Variants in ZFP62 observed in about 807,000 individuals in gnomAD.
ZFP62 encodes the protein ZFP62 zinc finger protein.
ZFP62 carries 44 observed loss-of-function variants against 56.4 expected under a neutral mutation model. The observed-to-expected ratio is 0.78, with a 90% CI of 0.61 to 1.00. The LOEUF is 1.00. ZFP62 is among the 50% of genes least tolerant of loss of function. The probability of loss-of-function intolerance (pLI) is 0.00; values close to 1 mark genes in which losing one functional copy is unlikely to be tolerated. For synonymous variants in ZFP62, 421 were observed against 388.9 expected (o/e 1.08, Z -0.97); for missense variants, 1,030 against 1,085.7 (o/e 0.95, Z 0.72).
chr5:180,837,773 C>T, the ZFP62 span, among the ~76,000 whole-genome samples: 32 of 152,278 alleles, frequency 2.1e-4, no homozygotes, highest in Non-Finnish European at 4.1e-4. Context: ...AAACCAGCAT[C>T]CAGGCCCTCA....
chr5:180,849,586 T>G lies in ZFP62; in HGVS notation c.1909A>C (p.Arg637=). The G allele has an allele frequency of 7.1e-6, 11 of 1,552,102 alleles. No homozygotes were observed. The highest frequency in any genetic ancestry group is 9.6e-6 in the Non-Finnish European group (11 of 1,147,110). ...TAGGGTTTCTCTCTAGTGTGGACCC[T>G]TCTGTGCTGAGAAAGGAGCGATGTG... The part of the protein sequence containing the change: ...NYTSLLSQHR[R]VHTREKPYEC... Residue 637 remains arginine (R), a synonymous_variant, in exon 2 of 2, where the codon AGG becomes CGG. Transcript: ENST00000502412.
At chr5:180,855,846 A>G (rs1773940034) in intron 1 of ZFP62, among the ~76,000 whole-genome samples, 1 of 151,974 alleles carries the variant, frequency 6.6e-6, no homozygotes, top group Admixed American at 6.6e-5. Flanking sequence ...ATCCCTGCCC[A>G]ATTCTTTCTC....
chr5:180,845,691 G>A (rs1324283701), downstream of ZFP62: 1 of 984,936 alleles, frequency 1.0e-6, no homozygotes, highest in Non-Finnish European at 1.2e-6. Flanking sequence ...CTTGGGTACA[G>A]CTGTGGCCAA....
the ZFP62 span, among the ~76,000 whole-genome samples, chr5:180,838,509 A>G: frequency 1.3e-5 from 2 of 152,230 alleles, no homozygotes; most frequent in Non-Finnish European, 1.5e-5. Context: ...GGGTCTGAGC[A>G]TTAGGTAGTA....
chr5:180,844,530 A>T (rs182042282), downstream of ZFP62, among the ~76,000 whole-genome samples: 200 of 152,252 alleles, frequency 1.3e-3, no homozygotes, highest in South Asian at 4.4e-3. Context: ...AGCACATCTG[A>T]ATATTGCTGG....
intron 1 of ZFP62, among the ~76,000 whole-genome samples, chr5:180,854,606 G>C (rs1773876332): frequency 6.6e-6 from 1 of 152,144 alleles, no homozygotes; most frequent in Non-Finnish European, 1.5e-5. Context: ...ATACAAGAGT[G>C]GAGAGACAAT....
At chr5:180,846,569 G>A (rs555301857), downstream of ZFP62, among the ~76,000 whole-genome samples, 443 of 152,310 alleles carry the variant, frequency 2.9e-3, 1 homozygote, top group Non-Finnish European at 4.8e-3. Context: ...GAGGATGCCT[G>A]GGCACTTCCG....
downstream of ZFP62, among the ~76,000 whole-genome samples, chr5:180,844,886 G>A (rs1226993803): frequency 1.3e-5 from 2 of 152,158 alleles, no homozygotes; most frequent in African/African-American, 2.4e-5. Context: ...CTGAGTCTTT[G>A]GACAGGGCCA....
At position 180,850,678 on chromosome 5, in the gene ZFP62, T is replaced by C. The variant is rs1395629513; in HGVS notation, c.817A>G (p.Arg273Gly). The change falls in exon 2 of 2, where the codon AGG (arginine) becomes GGG (glycine). Residue 273 changes from arginine to glycine, a missense_variant. Coordinates refer to ENST00000502412, the MANE Select transcript of ZFP62 (RefSeq NM_001172638.2). ...RNSSGLRVHK[R>G]IHTGEKPYEC... ...TAGGGCTTCTCCCCCGTGTGGATCC[T>C]TTTGTGGACTCTGAGCCCAGAGCTG... The C allele has an allele frequency of 6.3e-7, 1 of 1,595,464 alleles. No homozygotes were observed. Among genetic ancestry groups the C allele is most frequent in the Non-Finnish European group, 8.5e-7 (1 of 1,170,636 alleles).
At chr5:180,827,854 A>T in the ZFP62 span, among the ~76,000 whole-genome samples, 1 of 152,352 alleles carries the variant, frequency 6.6e-6, no homozygotes, top group East Asian at 1.9e-4. Flanking sequence ...TTAGGGCTGG[A>T]GGTGGGACAT....
At chr5:180,840,721 A>C in the ZFP62 span, among the ~76,000 whole-genome samples, 39 of 151,830 alleles carry the variant, frequency 2.6e-4, no homozygotes, top group African/African-American at 9.2e-4. Context: ...CCGCCACTGC[A>C]CTCTATCTAG....
Position 180,850,599 on chromosome 5 carries a change from T to C in ZFP62, c.896A>G (p.His299Arg). ...TTTCTCACCTGTGTGGATCCTTTTA[T>C]GGACCCTAAGGCCAGAGCTGTTACT... ...TFSNSSGLRV[H>R]KRIHTGEKPY... Residue 299 changes from histidine to arginine, a missense_variant, in exon 2 of 2, where the codon CAT (histidine) becomes CGT (arginine). Physicochemically the swap from His to Arg is conservative, Grantham distance 29 (BLOSUM62 0). Coordinates refer to ENST00000502412, the MANE Select transcript of ZFP62 (RefSeq NM_001172638.2). 1 of 1,563,788 alleles carries C rather than the reference T, an allele frequency of 6.4e-7. No homozygotes were observed. The highest frequency in any genetic ancestry group is 8.7e-7 in the Non-Finnish European group (1 of 1,154,130).
intron 1 of ZFP62, among the ~76,000 whole-genome samples, chr5:180,852,807 T>C (rs1256783417): frequency 3.3e-5 from 5 of 152,200 alleles, no homozygotes; most frequent in Non-Finnish European, 7.3e-5. Flanking sequence ...GGTAAAAAGA[T>C]GAACAAACAA....
At chr5:180,859,384 G>A (rs1424008187) in intron 1 of ZFP62, among the ~76,000 whole-genome samples, 4 of 152,208 alleles carry the variant, frequency 2.6e-5, no homozygotes, top group African/African-American at 9.7e-5. Context: ...AAGGAAAGAT[G>A]GGACTAAGGA....
chr5:180,828,089 G>C, the ZFP62 span, among the ~76,000 whole-genome samples: 1 of 152,142 alleles, frequency 6.6e-6, no homozygotes, highest in Non-Finnish European at 1.5e-5. Flanking sequence ...AGGCTGGCGG[G>C]ATCCTCCATA....
chr5:180,843,046 A>T (rs905543408), downstream of ZFP62, among the ~76,000 whole-genome samples: 105 of 149,624 alleles, frequency 7.0e-4, no homozygotes, highest in African/African-American at 2.1e-3. Flanking sequence ...GTCTCCAAAA[A>T]AAAAAAATAA....
chr5:180,848,481 C>T lies in ZFP62; in HGVS notation c.*311G>A, dbSNP rs2113671039. ...GTGATTACGTAACTTCTAATTGAAG[C>T]CCTTTCCTCATCTGTGTTTTATGTC... On this transcript the variant is annotated 3_prime_UTR_variant, in exon 2 of 2. Coordinates refer to ENST00000502412, the MANE Select transcript of ZFP62 (RefSeq NM_001172638.2). The T allele has an allele frequency of 1.9e-6, 2 of 1,072,436 alleles. No homozygotes were observed. Among genetic ancestry groups the T allele is most frequent in the Non-Finnish European group, 2.3e-6 (2 of 885,980 alleles). The allele number at this position is 1,072,436 out of a possible 1,614,324, so 66.4% of individuals were successfully genotyped here.
Position 180,850,895 on chromosome 5 carries a change from C to T in ZFP62, c.600G>A (p.Glu200=), listed in dbSNP as rs1484705593. 1 of 1,565,620 alleles carries T rather than the reference C, an allele frequency of 6.4e-7. No individual in the cohort carries two copies. Among genetic ancestry groups the T allele is most frequent in the Non-Finnish European group, 8.7e-7 (1 of 1,155,568 alleles). The change falls in exon 2 of 2, where the codon GAG becomes GAA. Residue 200 remains glutamate, a synonymous_variant. Transcript: ENST00000502412. ...AGGACATGTAGGCTTTCCCACATTCCTCACACTTGTACGGCTTCTCCCCAG... is the reference window on the plus strand; with the variant it reads ...AGGACATGTAGGCTTTCCCACATTCTTCACACTTGTACGGCTTCTCCCCAG... ...IHTGEKPYKC[E]ECGKAYMSYS...
intron 1 of ZFP62, among the ~76,000 whole-genome samples, chr5:180,857,247 G>C (rs988721563): frequency 5.9e-5 from 9 of 152,300 alleles, no homozygotes; most frequent in African/African-American, 2.2e-4. Flanking sequence ...TATTAAACTG[G>C]AGTTGGCAAA....
Sources: allele counts gnomAD v4.1 joint callset (sites outside exome capture counted in the v4.1 genomes callset), GRCh38; gene constraint gnomAD v4.1.1; transcripts MANE v1.5; gene names NCBI Gene and HGNC (gene_info 2026-07-23, HGNC 2026-07-21).